MGST2: variants seen among roughly 807,000 people sequenced by gnomAD.
The protein encoded by MGST2 is glutathione peroxidase MGST2.
A neutral mutation model predicts 16.6 loss-of-function variants in MGST2; 9 were observed. The observed-to-expected ratio is 0.54, with a 90% CI of 0.33 to 0.95. The LOEUF is 0.95. Ranked by LOEUF, MGST2 falls within the 40% of genes least tolerant of loss-of-function variation. MGST2 has a pLI of 0.03. For missense variants in MGST2, 159 were observed against 175.1 expected (o/e 0.91, Z 0.52); for synonymous variants, 79 against 68.0 (o/e 1.16, Z -0.79).
chr4:139,707,367 C>T (rs1428840954), downstream of MGST2, among the ~76,000 whole-genome samples: 1 of 152,202 alleles, frequency 6.6e-6, no homozygotes, highest in Non-Finnish European at 1.5e-5. Context: ...CATGTCCCTA[C>T]AAAGGACATG....
chr4:139,719,450 C>T (rs1728135743), intron 5 of MGST2: 1 of 1,614,026 alleles, frequency 6.2e-7, no homozygotes, highest in South Asian at 1.1e-5. Context: ...TCCGTCGCCA[C>T]TGTAATTGTA....
chr4:139,666,300 A>G (rs775251387), intron 1 of MGST2, among the ~76,000 whole-genome samples: 9 of 152,008 alleles, frequency 5.9e-5, no homozygotes, highest in Non-Finnish European at 1.0e-4. Flanking sequence ...AGAACATTCC[A>G]GAGATTAGTT....
rs8192029 is a variant in MGST2 at position 139,671,769 on chromosome 4, G to C, written c.58+5692G>C. On this transcript the variant is annotated intron_variant, in intron 1 of 4. Transcript: ENST00000265498. ...TGATTCTCCCGGCTCAGCCTCCTGA[G>C]TATCTGGGACTACAGGCACACGACA... is the stretch of plus-strand genomic sequence containing the variant. Among the ~76,000 whole-genome samples, 259 of 152,208 alleles carry C rather than the reference G, an allele frequency of 1.7e-3. 1 individual carries two copies. The highest frequency in any genetic ancestry group is 3.4e-3 in the Middle Eastern group (1 of 294).
At chr4:139,687,358 G>A (rs1028442667) in intron 2 of MGST2, among the ~76,000 whole-genome samples, 2 of 152,128 alleles carry the variant, frequency 1.3e-5, no homozygotes, top group Non-Finnish European at 2.9e-5. Flanking sequence ...AGGATAAATC[G>A]GGCCAAACCA....
exon 6 of MGST2, chr4:139,740,680 A>G (rs769760491): frequency 6.6e-6 from 1 of 152,196 alleles, no homozygotes; most frequent in South Asian, 2.1e-4. Flanking sequence ...AGACAGGCCA[A>G]TGTTTCCATT....
intron 5 of MGST2, chr4:139,719,579 C>A (rs746046014): frequency 1.2e-6 from 2 of 1,613,354 alleles, no homozygotes; most frequent in Non-Finnish European, 1.7e-6. Context: ...GCCTGGGACT[C>A]CCTGGCTCAG....
At chr4:139,711,085 T>A (rs1418584334) in intron 5 of MGST2, among the ~76,000 whole-genome samples, 1 of 151,190 alleles carries the variant, frequency 6.6e-6, no homozygotes, top group East Asian at 2.0e-4. Flanking sequence ...GTGATCACAA[T>A]CCACTGCAGC....
the MGST2 span, among the ~76,000 whole-genome samples, chr4:139,753,368 C>CTATG: frequency 6.6e-6 from 1 of 151,640 alleles, no homozygotes; most frequent in Admixed American, 6.6e-5. Flanking sequence ...ATCTATCTAT[C>CTATG]TATCTATCTA....
intron 2 of MGST2, among the ~76,000 whole-genome samples, chr4:139,684,121 T>C (rs935361022): frequency 3.9e-5 from 6 of 152,124 alleles, no homozygotes; most frequent in Non-Finnish European, 8.8e-5. Context: ...AGACAGGGTT[T>C]CACCATGTTG....
In MGST2 at chr4:139,735,595, C is replaced by G. The variant is rs1474599583; in HGVS notation, c.*49-4617C>G. Reference sequence around the variant, plus strand: ...ATAAGGAGCGAGCCTCGGGTCGGCCCGGCACCGCTGCTTCGGCTCAGAGTC... The same window carrying G: ...ATAAGGAGCGAGCCTCGGGTCGGCCGGGCACCGCTGCTTCGGCTCAGAGTC... On this transcript the variant is annotated intron_variant, in intron 5 of 5. Transcript: ENST00000616265. The surrounding 1 kb of genome is among the most constrained non-coding windows in gnomAD (Gnocchi z 5.8). Among the ~76,000 whole-genome samples, 1 of 152,150 alleles carries G rather than the reference C, an allele frequency of 6.6e-6. No homozygotes were observed. Among genetic ancestry groups the G allele is most frequent in the African/African-American group, 2.4e-5 (1 of 41,434 alleles).
chr4:139,718,934 G>A (rs747311048), intron 5 of MGST2: 5 of 180,724 alleles, frequency 2.8e-5, no homozygotes, highest in Non-Finnish European at 4.7e-5. Flanking sequence ...GCTGTCTCCC[G>A]ACCTGGGGCA....
rs8192064 is a variant in MGST2, at chr4:139,678,741, G to A, written c.158+99G>A. The stretch of plus-strand genomic sequence containing the variant: ...GATATGGAGAAGACCCTAAGTTCAT[G>A]TGCAATATCTAGTTATAACAAGTCA... On this transcript the variant is annotated intron_variant, in intron 2 of 4. Coordinates refer to ENST00000265498, the MANE Select transcript of MGST2 (RefSeq NM_002413.5). The A allele has an allele frequency of 4.4e-3, 3,977 of 908,616 alleles. 111 individuals are homozygous for A. In the African/African-American group the frequency reaches 0.057, roughly 13 times the overall value. 56.3% of individuals were successfully genotyped at this position (908,616 alleles called of 1,614,324 possible).
intron 5 of MGST2, among the ~76,000 whole-genome samples, chr4:139,711,644 G>A (rs115079721): frequency 0.016 from 2,393 of 152,182 alleles, 52 homozygotes; most frequent in Middle Eastern, 0.061. Flanking sequence ...ACTGCAACCT[G>A]GTTTATCGGC....
intron 5 of MGST2, chr4:139,719,189 T>C (rs944180850): frequency 6.8e-6 from 7 of 1,024,728 alleles, no homozygotes; most frequent in South Asian, 1.8e-5. Flanking sequence ...GGATCTTCCA[T>C]TGTCAGCCAG....
chr4:139,730,661 G>A, intron 5 of MGST2: 1 of 1,611,630 alleles, frequency 6.2e-7, no homozygotes, highest in South Asian at 1.1e-5. Flanking sequence ...CCAACTGGAT[G>A]CTGCTCCTGG....
chr4:139,700,426 C>T (rs545794064), intron 3 of MGST2, among the ~76,000 whole-genome samples: 7 of 152,208 alleles, frequency 4.6e-5, no homozygotes, highest in African/African-American at 1.2e-4. Context: ...CCACCACGCC[C>T]GGCCACCAGG....
chr4:139,681,126 C>T (rs532939707), intron 2 of MGST2, among the ~76,000 whole-genome samples: 1 of 152,256 alleles, frequency 6.6e-6, no homozygotes, highest in South Asian at 2.1e-4. Flanking sequence ...AGGCAATCCT[C>T]CTACCTCTGC....
intron 2 of MGST2, chr4:139,685,575 C>A (rs1731515351): frequency 6.6e-6 from 1 of 152,116 alleles, no homozygotes; most frequent in South Asian, 2.1e-4. Flanking sequence ...AGGAAGTCAT[C>A]ATGATACATT....
chr4:139,752,551 A>T, the MGST2 span, among the ~76,000 whole-genome samples: 1 of 152,224 alleles, frequency 6.6e-6, no homozygotes, highest in Non-Finnish European at 1.5e-5. Context: ...AGTGGCTGGC[A>T]GGTCATGGGA....
Sources: allele counts gnomAD v4.1 joint callset (sites outside exome capture counted in the v4.1 genomes callset), GRCh38; gene constraint gnomAD v4.1.1; non-coding constraint Gnocchi (gnomAD v3.1); transcripts MANE v1.5; gene names NCBI Gene and HGNC (gene_info 2026-07-23, HGNC 2026-07-21).